Variants in MAP2K5 observed in about 807,000 individuals in gnomAD.
MAP2K5 encodes mitogen-activated protein kinase kinase 5, also known as dual specificity mitogen-activated protein kinase kinase 5.
In MAP2K5, 49 loss-of-function variants were observed where a neutral mutation model predicts 83.1. The observed-to-expected ratio is 0.59, with a 90% confidence interval of 0.47 to 0.75. The LOEUF is 0.75. Among genes scored for constraint, MAP2K5 ranks in the 30% least tolerant of loss-of-function variants. The pLI, the probability that MAP2K5 is intolerant of heterozygous loss-of-function variation, is 0.00. For missense variants in MAP2K5, 457 were observed against 557.5 expected (o/e 0.82, Z 1.82); for synonymous variants, 202 against 191.8 (o/e 1.05, Z -0.44).
chr15:67,609,525 G>A (rs28712177), intron 8 of MAP2K5, among the ~76,000 whole-genome samples: 42,602 of 47,194 alleles, frequency 0.9, 19,902 homozygotes, highest in East Asian at 0.98. Flanking sequence ...CTATAGGTCT[G>A]TAGATTCTGT....
At chr15:67,549,246 A>G (rs1287620347) in intron 1 of MAP2K5, 3 of 1,468,224 alleles carry the variant, frequency 2.0e-6, no homozygotes, top group Non-Finnish European at 2.8e-6. Context: ...CTGTCTCAGT[A>G]TACTAATTTT....
chr15:67,751,316 T>G (rs1030186331), intron 19 of MAP2K5, among the ~76,000 whole-genome samples: 13 of 151,988 alleles, frequency 8.6e-5, no homozygotes, highest in African/African-American at 2.9e-4. Context: ...CCAAGTAAAT[T>G]TTGGTGGGTG....
At position 67,780,458 on chromosome 15, in the gene MAP2K5, G is replaced by C. The variant is rs908495102; in HGVS notation, c.1242+7706G>C. 6.6e-6 allele frequency among the ~76,000 whole-genome samples: 1 copy of C among 152,132 alleles called. No homozygotes were observed. The highest frequency in any genetic ancestry group is 2.4e-5 in the African/African-American group (1 of 41,438). ...AGGCAAAACAGTGTTGGTTGCACATGCTATTCTCTCTAATCCAATCCAGTA... is the reference window on the plus strand; with the variant it reads ...AGGCAAAACAGTGTTGGTTGCACATCCTATTCTCTCTAATCCAATCCAGTA... On this transcript the variant is annotated intron_variant, in intron 21 of 21. Coordinates refer to ENST00000178640, the MANE Select transcript of MAP2K5 (RefSeq NM_145160.3). The surrounding 1 kb of genome is among the most constrained non-coding windows in gnomAD (Gnocchi z 5.0).
At chr15:67,549,025 C>T in intron 1 of MAP2K5, 1 of 1,457,454 alleles carries the variant, frequency 6.9e-7, no homozygotes, top group Non-Finnish European at 9.0e-7. Context: ...GCTAAGTGCC[C>T]TGCTTGGAAA....
Position 67,778,170 on chromosome 15 carries a change from A to C in MAP2K5, c.1242+5418A>C, listed in dbSNP as rs2090270935. Among the ~76,000 whole-genome samples the C allele has an allele frequency of 6.6e-6, 1 of 152,192 alleles. No homozygotes were observed. Among genetic ancestry groups the C allele is most frequent in the South Asian group, 2.1e-4 (1 of 4,834 alleles). Reference sequence around the variant, plus strand: ...TTTAAACATTTAATTACTTACTAAGAGATGTTAACTTGTTTAACTCCTCTA... The same window carrying C: ...TTTAAACATTTAATTACTTACTAAGCGATGTTAACTTGTTTAACTCCTCTA... On this transcript the variant is annotated intron_variant, in intron 21 of 21. Transcript: ENST00000178640. This position sits in a 1 kb window ranked among gnomAD's most constrained non-coding sequence, Gnocchi z 5.0.
At chr15:67,624,080 C>T (rs546874462) in intron 8 of MAP2K5, among the ~76,000 whole-genome samples, 52 of 151,492 alleles carry the variant, frequency 3.4e-4, no homozygotes, top group African/African-American at 1.2e-3. Flanking sequence ...TGGCTCACAC[C>T]TGTAATCCCA....
At chr15:67,654,640 A>G (rs2087026600) in intron 11 of MAP2K5, among the ~76,000 whole-genome samples, 2 of 152,174 alleles carry the variant, frequency 1.3e-5, no homozygotes, top group African/African-American at 4.8e-5. Flanking sequence ...CAAAGGTACC[A>G]TTTAAATTCC....
At chr15:67,721,733 G>A (rs1383794967) in intron 16 of MAP2K5, among the ~76,000 whole-genome samples, 2 of 152,170 alleles carry the variant, frequency 1.3e-5, no homozygotes, top group Admixed American at 1.3e-4. Context: ...GAAAGAGTTT[G>A]TGAAAATAAG....
rs888564160 is a variant in MAP2K5 at position 67,559,362 on chromosome 15, T to C, written c.185-3921T>C. 2.6e-5 allele frequency among the ~76,000 whole-genome samples: 4 copies of C among 152,210 alleles called. No individual in the cohort carries two copies. The highest frequency in any genetic ancestry group is 9.6e-5 in the African/African-American group (4 of 41,454). ...TGAGAGCTCCCTGGAGTCTGCTGTT[T>C]ATCTGCTGTTTACTCAGTAGGCCAT... On this transcript the variant is annotated intron_variant, in intron 2 of 21. Coordinates refer to ENST00000178640, the MANE Select transcript of MAP2K5 (RefSeq NM_145160.3). The surrounding 1 kb of genome is among the most constrained non-coding windows in gnomAD (Gnocchi z 4.7).
At chr15:67,767,712 C>G (rs978601988) in intron 19 of MAP2K5, among the ~76,000 whole-genome samples, 1 of 152,144 alleles carries the variant, frequency 6.6e-6, no homozygotes, top group Admixed American at 6.6e-5. Flanking sequence ...GATGGGACTT[C>G]TGTGGCCATT....
intron 7 of MAP2K5, among the ~76,000 whole-genome samples, 158 bp downstream of exon 7, chr15:67,593,132 G>A (rs999520406): frequency 2.0e-5 from 3 of 152,122 alleles, no homozygotes; most frequent in East Asian, 3.8e-4. Context: ...TTTGCAGCCC[G>A]TTTTTCAAAC....
At chr15:67,630,783 T>C in intron 8 of MAP2K5, 105 bp from the exon 9 acceptor site, 3 of 739,690 alleles carry the variant, frequency 4.1e-6, no homozygotes, top group Non-Finnish European at 7.1e-6. Context: ...GAAAGTACCA[T>C]GTATCCCACT....
chr15:67,696,317 T>C (rs2088258136), intron 15 of MAP2K5, among the ~76,000 whole-genome samples: 1 of 152,168 alleles, frequency 6.6e-6, no homozygotes, highest in South Asian at 2.1e-4. Context: ...TAAAGTTTTA[T>C]TGGAACATGA....
chr15:67,542,816 C>G lies in MAP2K5; in HGVS notation c.-520C>G, dbSNP rs1276564397. On this transcript the variant is annotated 5_prime_UTR_variant, in exon 1 of 22. Coordinates refer to ENST00000178640, the MANE Select transcript of MAP2K5 (RefSeq NM_145160.3). ...CCTGCGCGCGCCGCGCCCTGTGTCT[C>G]CGGGTGGGGCAGAAGACTCGCCCCT... 6.5e-6 allele frequency: 1 copy of G among 153,552 alleles called. No individual in the cohort carries two copies. Among genetic ancestry groups the G allele is most frequent in the South Asian group, 1.8e-4 (1 of 5,494 alleles). The allele number at this position is 153,552 out of a possible 1,614,324, so 9.5% of individuals were successfully genotyped here. A position where few individuals can be genotyped will look rare whatever the true frequency, so the allele number is the denominator to read the frequency against.
intron 11 of MAP2K5, among the ~76,000 whole-genome samples, chr15:67,646,950 C>T (rs1269722469): frequency 1.3e-5 from 2 of 152,078 alleles, no homozygotes. Flanking sequence ...GGACTTTAGC[C>T]CTTTCCTTCC....
intron 13 of MAP2K5, among the ~76,000 whole-genome samples, chr15:67,681,342 G>A (rs1649745735): frequency 6.6e-6 from 1 of 152,232 alleles, no homozygotes. Flanking sequence ...GCATGTGAGT[G>A]TTGTGAGTAC....
chr15:67,731,250 A>T (rs2089213048), intron 17 of MAP2K5, among the ~76,000 whole-genome samples: 1 of 152,156 alleles, frequency 6.6e-6, no homozygotes, highest in South Asian at 2.1e-4. Flanking sequence ...TGACAGCATC[A>T]TTAGCAGCCC....
rs574168867 is a variant in MAP2K5 at position 67,587,992 on chromosome 15, G to A, written c.431+1079G>A. On this transcript the variant is annotated intron_variant, in intron 6 of 21. Transcript: ENST00000178640. The surrounding 1 kb of genome is among the most constrained non-coding windows in gnomAD (Gnocchi z 4.8). ...AGCCTCCTGAGAGTCTACTCCCTCCGTTCTTGGCCCATTCAGCCCCTCCTC... is the reference window on the plus strand; with the variant it reads ...AGCCTCCTGAGAGTCTACTCCCTCCATTCTTGGCCCATTCAGCCCCTCCTC... 6.3e-6 allele frequency: 3 copies of A among 478,660 alleles called. No homozygotes were observed. The highest frequency in any genetic ancestry group is 2.1e-5 in the African/African-American group (1 of 47,556). 29.7% of individuals were successfully genotyped at this position (478,660 alleles called of 1,614,324 possible).
Position 67,638,326 on chromosome 15 carries a change from G to A in MAP2K5, c.585+7399G>A, listed in dbSNP as rs567749477. Among the ~76,000 whole-genome samples, 11 of 152,242 alleles carry A rather than the reference G, an allele frequency of 7.2e-5. No homozygotes were observed. The highest frequency in any genetic ancestry group is 1.9e-4 in the East Asian group (1 of 5,182). On this transcript the variant is annotated intron_variant, in intron 9 of 21. Coordinates refer to ENST00000178640, the MANE Select transcript of MAP2K5 (RefSeq NM_145160.3). The surrounding 1 kb of genome is among the most constrained non-coding windows in gnomAD (Gnocchi z 4.5). ...TTATAAGTGAGAACATGTGGTATTC[G>A]GTTTCCTGTTCTTGTGTTAGTTTGC...
Sources: allele counts gnomAD v4.1 joint callset (sites outside exome capture counted in the v4.1 genomes callset), GRCh38; gene constraint gnomAD v4.1.1; non-coding constraint Gnocchi (gnomAD v3.1); transcripts MANE v1.5; gene names NCBI Gene and HGNC (gene_info 2026-07-23, HGNC 2026-07-21).